Variants in F5 observed in about 807,000 individuals in gnomAD.
F5 encodes activated protein c cofactor.
F5 carries 138 observed loss-of-function variants against 216.4 expected under a neutral mutation model. That is an observed-to-expected ratio of 0.64 (90% CI 0.56 to 0.73). The LOEUF is 0.73. Among genes scored for constraint, F5 ranks in the 30% least tolerant of loss-of-function variants. F5 has a pLI of 0.00. For missense variants in F5, 2,403 were observed against 2,674.0 expected (o/e 0.90, Z 2.24); for synonymous variants, 916 against 930.7 (o/e 0.98, Z 0.29).
chr1:169,577,563 A>G (rs1170339177), intron 2 of F5, among the ~76,000 whole-genome samples: 1 of 14,142 alleles, frequency 7.1e-5, no homozygotes, highest in Non-Finnish European at 1.2e-4. Flanking sequence ...TAATTTAAAT[A>G]TATATATATA....
At chr1:169,545,663 C>T (rs551910230) in intron 11 of F5, among the ~76,000 whole-genome samples, 1 of 152,288 alleles carries the variant, frequency 6.6e-6, no homozygotes, top group African/African-American at 2.4e-5. Flanking sequence ...TGACCTGGCA[C>T]CTGTCAGCTC....
chr1:169,555,652 T>A (rs1407015827), intron 6 of F5, among the ~76,000 whole-genome samples: 1 of 99,690 alleles, frequency 1.0e-5, no homozygotes, highest in Non-Finnish European at 1.8e-5. Flanking sequence ...ATGAATTAAG[T>A]CTTGTTAAAT....
chr1:169,521,033 C>A (rs1201481168), intron 21 of F5, among the ~76,000 whole-genome samples: 6 of 152,080 alleles, frequency 3.9e-5, no homozygotes, highest in Non-Finnish European at 7.4e-5. Flanking sequence ...AAGCCGGCAA[C>A]CTGGAAACAC....
At chr1:169,576,671 C>A (rs892242617) in intron 2 of F5, among the ~76,000 whole-genome samples, 1 of 152,138 alleles carries the variant, frequency 6.6e-6, no homozygotes, top group Non-Finnish European at 1.5e-5. Context: ...CACTGACTGA[C>A]CCCCCTCTTC....
At chr1:169,536,710 A>G (rs943460051) in intron 13 of F5, 30 bp from the exon 14 acceptor site, 17 of 1,556,422 alleles carry the variant, frequency 1.1e-5, no homozygotes, top group Non-Finnish European at 1.5e-5. Flanking sequence ...TGTGTAAAAG[A>G]AGAAATTAAA....
intron 2 of F5, among the ~76,000 whole-genome samples, chr1:169,579,317 C>A (rs1393691165): frequency 2.6e-4 from 40 of 152,168 alleles, no homozygotes; most frequent in Non-Finnish European, 8.8e-5. Flanking sequence ...GTAAACTTTT[C>A]TTTCTTGGCT....
At chr1:169,561,585 G>A (rs1660488676) in intron 3 of F5, among the ~76,000 whole-genome samples, 3 of 152,124 alleles carry the variant, frequency 2.0e-5, no homozygotes, top group Admixed American at 2.0e-4. Flanking sequence ...AAGGGGAGAG[G>A]TGAGTGCCAT....
In F5 at chr1:169,540,372, C is replaced by A. The variant is rs768455174; in HGVS notation, c.4718G>T (p.Arg1573Leu). The A allele has an allele frequency of 3.1e-6, 5 of 1,613,946 alleles. No individual in the cohort carries two copies. Among genetic ancestry groups the A allele is most frequent in the Non-Finnish European group, 4.2e-6 (5 of 1,179,910 alleles). ...DPDNIAAWYL[R>L]SNNGNRRNYY... ...ATTTCTTCTGTTTCCATTGTTGCTG[C>A]GGAGGTACCATGCTGCAATGTTGTC... Residue 1573 changes from arginine (R) to leucine (L), a missense_variant, in exon 13 of 25, where the codon CGC becomes CTC. Physicochemically the swap from Arg to Leu is moderately radical, Grantham distance 102. Around this residue, in one of 4 missense-constraint regions of F5, gnomAD observed 659 missense variants for 787.9 expected, o/e 0.84. Transcript: ENST00000367797.
intron 6 of F5, 130 bp downstream of exon 6, chr1:169,556,516 G>C (rs1176243002): frequency 1.3e-6 from 1 of 757,734 alleles, no homozygotes; most frequent in South Asian, 1.5e-5. Context: ...TCTAAGTTTG[G>C]TTGTTAGGAA....
chr1:169,555,731 G>T, intron 6 of F5, among the ~76,000 whole-genome samples: 1 of 150,120 alleles, frequency 6.7e-6, no homozygotes, highest in African/African-American at 2.5e-5. Flanking sequence ...TAAAATTGTT[G>T]TTAAAAATTA....
Position 169,586,129 on chromosome 1 carries a change from T to TAA in F5, c.158+98_158+99dup, listed in dbSNP as rs372224504. On this transcript the variant is annotated intron_variant, in intron 1 of 24. Coordinates refer to ENST00000367797, the MANE Select transcript of F5 (RefSeq NM_000130.5). The stretch of plus-strand genomic sequence containing the variant: ...TTAGTTATATTTACTTACCTGAAGT[T>TAA]AAAAAAAAAAAAAGCCATGACATTG... 3.2e-4 allele frequency: 401 copies of TAA among 1,247,620 alleles called. 2 individuals are homozygous for TAA. The highest frequency in any genetic ancestry group is 2.5e-3 in the African/African-American group (159 of 63,472). The allele number at this position is 1,247,620 out of a possible 1,614,324, so 77.3% of individuals were successfully genotyped here. A position where few individuals can be genotyped will look rare whatever the true frequency, so the allele number is the denominator to read the frequency against.
At chr1:169,559,569 A>T (rs1660414242) in intron 4 of F5, among the ~76,000 whole-genome samples, 1 of 152,082 alleles carries the variant, frequency 6.6e-6, no homozygotes, top group African/African-American at 2.4e-5. Context: ...GACTCTCAAG[A>T]CTCTGTACAA....
In F5 at chr1:169,518,448, C is replaced by T. The variant is rs35369423; in HGVS notation, c.6309G>A (p.Leu2103=). 5,932 of 1,613,810 alleles carry T rather than the reference C, an allele frequency of 3.7e-3. 24 individuals carry two copies. Among genetic ancestry groups the T allele is most frequent in the South Asian group, 4.1e-3 (372 of 91,062 alleles). The part of the protein sequence containing the change: ...GDYWEPFRAR[L]NAQGRVNAWQ... ...AGGCATTCACACGTCCCTGGGCATT[C>T]AGACGGGCACGGAAGGGTTCCCAGT... Residue 2103 remains leucine (L), a synonymous_variant, in exon 23 of 25, where the codon CTG becomes CTA. Coordinates refer to ENST00000367797, the MANE Select transcript of F5 (RefSeq NM_000130.5).
At position 169,560,713 on chromosome 1, in the gene F5, C is replaced by G. The variant is rs1242255525; in HGVS notation, c.427G>C (p.Ala143Pro). The change falls in exon 4 of 25, where the codon GCT (alanine) becomes CCT (proline). Residue 143 changes from alanine to proline, a missense_variant. Coordinates refer to ENST00000367797, the MANE Select transcript of F5 (RefSeq NM_000130.5). ...TCATAGGTGTATTCTCGGCCTGGAG[C>G]CACAGCGTCGTCCATCTTCTCCGCA... ...FPAEKMDDAV[A>P]PGREYTYEWS... is the part of the protein sequence containing the mutation. 2.5e-6 allele frequency: 4 copies of G among 1,613,384 alleles called. No individual in the cohort carries two copies. The highest frequency in any genetic ancestry group is 3.4e-6 in the Non-Finnish European group (4 of 1,179,768).
intron 1 of F5, among the ~76,000 whole-genome samples, chr1:169,585,885 GA>G (rs1661092810): frequency 1.3e-5 from 2 of 152,202 alleles, no homozygotes; most frequent in Non-Finnish European, 1.5e-5. Flanking sequence ...GAGTTTGCAG[GA>G]AGGGCTAATG....
At chr1:169,551,941 A>C (rs1338697849) in intron 8 of F5, among the ~76,000 whole-genome samples, 1 of 152,234 alleles carries the variant, frequency 6.6e-6, no homozygotes, top group Non-Finnish European at 1.5e-5. Context: ...GACTACATTA[A>C]AAAATGAGTA....
Position 169,512,977 on chromosome 1 carries a change from T to C in F5, c.*1336A>G, listed in dbSNP as rs1397843621. On this transcript the variant is annotated 3_prime_UTR_variant, in exon 25 of 25. Coordinates refer to ENST00000367797, the MANE Select transcript of F5 (RefSeq NM_000130.5). ...CTGGTATGTTGTCTCTTTGTTCTCA[T>C]TGGTTTTAAGGAACTTATTTATTTC... is the stretch of plus-strand genomic sequence containing the variant. Among the ~76,000 whole-genome samples, 3 of 152,066 alleles carry C rather than the reference T, an allele frequency of 2.0e-5. No individual in the cohort carries two copies. The highest frequency in any genetic ancestry group is 6.6e-5 in the Admixed American group (1 of 15,244).
intron 24 of F5, among the ~76,000 whole-genome samples, chr1:169,515,224 T>C (rs78610979): frequency 0.01 from 1,578 of 152,146 alleles, 22 homozygotes; most frequent in African/African-American, 0.036. Context: ...ATGACAATGA[T>C]ATTTATCCTC....
chr1:169,537,043 T>C (rs1029568089), intron 13 of F5, among the ~76,000 whole-genome samples: 5 of 152,096 alleles, frequency 3.3e-5, no homozygotes, highest in Non-Finnish European at 7.4e-5. Context: ...TGTGAGATTA[T>C]CTATTAATAT....
Sources: allele counts gnomAD v4.1 joint callset (sites outside exome capture counted in the v4.1 genomes callset), GRCh38; gene constraint gnomAD v4.1.1; regional missense constraint gnomAD v4.1.1; transcripts MANE v1.5; gene names NCBI Gene and HGNC (gene_info 2026-07-23, HGNC 2026-07-21).